Variants in EMCN observed in about 807,000 individuals in gnomAD.
EMCN encodes the protein endomucin, also known as MUC-14.
EMCN carries 37 observed loss-of-function variants against 38.4 expected under a neutral mutation model. The observed-to-expected ratio is 0.96, with a 90% CI of 0.74 to 1.27. The LOEUF (loss-of-function observed/expected upper bound fraction) is 1.27, where lower values mean the gene tolerates loss of function less well. Among genes scored for constraint, EMCN ranks in the 50% most tolerant of loss-of-function variants. EMCN has a pLI of 0.00. For missense variants in EMCN, 318 were observed against 302.8 expected, an observed-to-expected ratio of 1.05 and a Z score of -0.37; for synonymous variants, 95 against 100.8, an observed-to-expected ratio of 0.94 and a Z score of 0.35.
chr4:100,473,069 C>T (rs1169182854), intron 3 of EMCN, among the ~76,000 whole-genome samples: 7 of 145,242 alleles, frequency 4.8e-5, no homozygotes, highest in African/African-American at 1.8e-4. Context: ...GGCTGGAATG[C>T]AGTGGCCCAA....
intron 11 of EMCN, among the ~76,000 whole-genome samples, chr4:100,407,878 G>A (rs1282720964): frequency 1.3e-5 from 2 of 152,022 alleles, no homozygotes; most frequent in Admixed American, 1.3e-4. Flanking sequence ...CATAAGTTTT[G>A]TCTTTTTACA....
chr4:100,444,508 T>C (rs1398040377), intron 5 of EMCN, among the ~76,000 whole-genome samples: 1 of 152,054 alleles, frequency 6.6e-6, no homozygotes, highest in Non-Finnish European at 1.5e-5. Flanking sequence ...ATGACTGCTC[T>C]GGTGTGCAGA....
intron 1 of EMCN, chr4:100,486,842 G>A: frequency 1.0e-6 from 1 of 985,200 alleles, no homozygotes; most frequent in Non-Finnish European, 1.2e-6. Context: ...GGTGTACAAG[G>A]TAAATTGCCT....
intron 3 of EMCN, among the ~76,000 whole-genome samples, chr4:100,469,798 G>T (rs1728424788): frequency 6.6e-6 from 1 of 151,882 alleles, no homozygotes; most frequent in South Asian, 2.1e-4. Context: ...GGTTACTGTA[G>T]CCCAGTAGTA....
intron 1 of EMCN, among the ~76,000 whole-genome samples, chr4:100,510,943 C>T (rs757905156): frequency 6.6e-6 from 1 of 152,168 alleles, no homozygotes; most frequent in Non-Finnish European, 1.5e-5. Flanking sequence ...CAAATGCCTA[C>T]AACTCCTTCC....
chr4:100,434,611 A>C (rs981245677), intron 5 of EMCN, among the ~76,000 whole-genome samples: 2 of 152,206 alleles, frequency 1.3e-5, no homozygotes, highest in African/African-American at 4.8e-5. Context: ...ATGAACATCA[A>C]TGCAAAAATC....
At chr4:100,478,944 A>C (rs529335115) in intron 2 of EMCN, among the ~76,000 whole-genome samples, 1 of 152,092 alleles carries the variant, frequency 6.6e-6, no homozygotes, top group Non-Finnish European at 1.5e-5. Context: ...GTGTTCTGCT[A>C]TGGAGGGCCC....
chr4:100,467,592 G>A (rs1434219989), intron 3 of EMCN, among the ~76,000 whole-genome samples: 1 of 147,482 alleles, frequency 6.8e-6, no homozygotes, highest in Non-Finnish European at 1.5e-5. Context: ...TGAGGCAGGA[G>A]AATGGCATGA....
chr4:100,401,166 CAGG>C (rs1726247737), intron 11 of EMCN, among the ~76,000 whole-genome samples: 1 of 151,978 alleles, frequency 6.6e-6, no homozygotes, highest in African/African-American at 2.4e-5. Flanking sequence ...GAAATTCATT[CAGG>C]ATTATAGAGT....
intron 1 of EMCN, among the ~76,000 whole-genome samples, chr4:100,503,660 C>T (rs1729406763): frequency 6.6e-6 from 1 of 152,028 alleles, no homozygotes; most frequent in South Asian, 2.1e-4. Context: ...TTCATTGCAG[C>T]CTTGACCTCC....
At chr4:100,497,342 T>G (rs1729234399) in intron 1 of EMCN, among the ~76,000 whole-genome samples, 2 of 151,672 alleles carry the variant, frequency 1.3e-5, no homozygotes, top group Non-Finnish European at 1.5e-5. Flanking sequence ...GAATATGAAC[T>G]TTACAGTTTA....
chr4:100,411,310 T>C (rs1421868396), intron 10 of EMCN, among the ~76,000 whole-genome samples: 1 of 152,200 alleles, frequency 6.6e-6, no homozygotes, highest in Non-Finnish European at 1.5e-5. Flanking sequence ...TGCTAACTAT[T>C]GTTCGTTTTG....
At chr4:100,444,602 G>A (rs1406018836) in intron 5 of EMCN, among the ~76,000 whole-genome samples, 1 of 152,122 alleles carries the variant, frequency 6.6e-6, no homozygotes, top group Non-Finnish European at 1.5e-5. Context: ...GTGGGGAGTG[G>A]AGTAGCTCCA....
At chr4:100,517,156 A>C (rs1264031256) in intron 1 of EMCN, among the ~76,000 whole-genome samples, 3 of 152,104 alleles carry the variant, frequency 2.0e-5, no homozygotes, top group Admixed American at 6.6e-5. Context: ...CCATTGATAT[A>C]CTCAAGGCTT....
intron 1 of EMCN, among the ~76,000 whole-genome samples, chr4:100,497,438 C>T (rs898281672): frequency 6.6e-6 from 1 of 151,650 alleles, no homozygotes; most frequent in African/African-American, 2.4e-5. Flanking sequence ...GTGCAGTAGC[C>T]CAATCTCGGC....
intron 5 of EMCN, among the ~76,000 whole-genome samples, chr4:100,434,084 G>C (rs1457072138): frequency 2.6e-5 from 4 of 151,972 alleles, no homozygotes; most frequent in Non-Finnish European, 4.4e-5. Context: ...ATGAATCCAG[G>C]AGTTGGCTTT....
chr4:100,447,200 T>G (rs1425564806), intron 5 of EMCN, among the ~76,000 whole-genome samples: 1 of 152,152 alleles, frequency 6.6e-6, no homozygotes, highest in Admixed American at 6.6e-5. Flanking sequence ...AGAGAAGACA[T>G]TTTGTACTTC....
At chr4:100,504,479 T>A (rs1019065050) in intron 1 of EMCN, among the ~76,000 whole-genome samples, 1 of 152,200 alleles carries the variant, frequency 6.6e-6, no homozygotes, top group Admixed American at 6.5e-5. Flanking sequence ...TATATATGAA[T>A]GTCATTAATC....
intron 11 of EMCN, among the ~76,000 whole-genome samples, chr4:100,399,680 C>T (rs4699798): frequency 0.8 from 122,042 of 152,036 alleles, 49,114 homozygotes; most frequent in East Asian, 0.9. Flanking sequence ...CCTTCAATTA[C>T]TGAACTAGTT....
Sources: gnomAD v4.1 joint callset for allele counts (sites outside exome capture counted in the v4.1 genomes callset) on GRCh38, gnomAD v4.1.1 for gene constraint, MANE v1.5 for transcripts, NCBI Gene and HGNC (gene_info 2026-07-23, HGNC 2026-07-21) for gene names.